The following TRPC1 variants were observed in gnomAD, a reference collection of about 807,000 sequenced individuals.
TRPC1 encodes the protein transient receptor potential cation channel subfamily C member 1.
TRPC1 carries 42 observed loss-of-function variants against 88.2 expected under a neutral mutation model. That is an observed-to-expected ratio of 0.48 (90% CI 0.37 to 0.62). The LOEUF is 0.62. TRPC1 is among the 20% of genes least tolerant of loss of function. The probability of loss-of-function intolerance (pLI) is 0.00; values close to 1 mark genes in which losing one functional copy is unlikely to be tolerated. For synonymous variants in TRPC1, 288 were observed against 331.8 expected, an observed-to-expected ratio of 0.87 and a Z score of 1.43; for missense variants, 699 against 957.3, an observed-to-expected ratio of 0.73 and a Z score of 3.56.
intron 2 of TRPC1, among the ~76,000 whole-genome samples, chr3:142,740,403 T>G (rs1934302219): frequency 6.6e-6 from 1 of 152,184 alleles, no homozygotes; most frequent in Non-Finnish European, 1.5e-5. Context: ...CAAACACAGA[T>G]GAACATTATA....
intron 2 of TRPC1, among the ~76,000 whole-genome samples, chr3:142,741,562 C>T (rs1367907239): frequency 1.3e-5 from 2 of 152,148 alleles, no homozygotes; most frequent in Non-Finnish European, 2.9e-5. Flanking sequence ...TTAATCTTTT[C>T]AGTAGTCAAC....
At chr3:142,766,551 C>T (rs1935398078) in intron 4 of TRPC1, among the ~76,000 whole-genome samples, 1 of 152,032 alleles carries the variant, frequency 6.6e-6, no homozygotes, top group South Asian at 2.1e-4. Context: ...CAGGCATGTA[C>T]CACCATGCCT....
chr3:142,789,319 C>CTCCTTCCCCAAAAAAAA (rs201362025), intron 7 of TRPC1, among the ~76,000 whole-genome samples: 4,227 of 152,160 alleles, frequency 0.028, 94 homozygotes, highest in Non-Finnish European at 0.042. Flanking sequence ...CCAAATAAAA[C>CTCCTTCCCCAAAAAAAA]AGTATTTGAG....
intron 4 of TRPC1, among the ~76,000 whole-genome samples, chr3:142,753,275 G>T (rs531214389): frequency 6.6e-6 from 1 of 152,128 alleles, no homozygotes; most frequent in Admixed American, 6.5e-5. Context: ...AAATTGAAAG[G>T]TATTTTAGGC....
At chr3:142,802,407 A>T (rs952655982) in intron 10 of TRPC1, 63 bp downstream of exon 10, 18 of 1,132,744 alleles carry the variant, frequency 1.6e-5, no homozygotes, top group Admixed American at 1.1e-4. Flanking sequence ...CATCTTCTAT[A>T]TGAATTAGTA....
At chr3:142,773,713 C>T (rs577181586) in intron 4 of TRPC1, among the ~76,000 whole-genome samples, 1 of 145,894 alleles carries the variant, frequency 6.9e-6, no homozygotes, top group Non-Finnish European at 1.5e-5. Context: ...AGTCCCCACC[C>T]ACCCTCTTTC....
In TRPC1 at chr3:142,793,410, G is replaced by A. The variant is rs78943058; in HGVS notation, c.1581+443G>A. Among the ~76,000 whole-genome samples, 696 of 151,996 alleles carry A rather than the reference G, an allele frequency of 4.6e-3. 24 individuals are homozygous for A. The East Asian group carries it at 0.09, about 20-fold the overall frequency. On this transcript the variant is annotated intron_variant, in intron 9 of 12. Coordinates refer to ENST00000476941, the MANE Select transcript of TRPC1 (RefSeq NM_001251845.2). ...GATTTAAAAGAATACTTACACTTTCGTTTAATAAATATTAAATGTAATAAG... is the reference window on the plus strand; with the variant it reads ...GATTTAAAAGAATACTTACACTTTCATTTAATAAATATTAAATGTAATAAG...
At chr3:142,747,509 G>A (rs1234060337) in intron 3 of TRPC1, among the ~76,000 whole-genome samples, 2 of 152,106 alleles carry the variant, frequency 1.3e-5, no homozygotes, top group Non-Finnish European at 2.9e-5. Context: ...TACAAACCTG[G>A]ATTCTGATCA....
intron 4 of TRPC1, among the ~76,000 whole-genome samples, chr3:142,754,992 C>A (rs1407578972): frequency 6.6e-6 from 1 of 152,112 alleles, no homozygotes. Context: ...TTCCATATTG[C>A]CAGAATCTTT....
chr3:142,742,090 G>A (rs1005348056), intron 2 of TRPC1, among the ~76,000 whole-genome samples: 6 of 151,682 alleles, frequency 4.0e-5, no homozygotes, highest in Middle Eastern at 3.4e-3. Flanking sequence ...TTGAACCTGG[G>A]AGGCGGAGGT....
At chr3:142,769,007 C>A (rs1411258344) in intron 4 of TRPC1, among the ~76,000 whole-genome samples, 8 of 152,022 alleles carry the variant, frequency 5.3e-5, no homozygotes, top group African/African-American at 1.9e-4. Context: ...TTCTGTGCCT[C>A]TTCATTTTTT....
chr3:142,806,774 A>T lies in TRPC1; in HGVS notation c.*539A>T, dbSNP rs936907496. 2 of 151,686 alleles carry T rather than the reference A, an allele frequency of 1.3e-5. No individual in the cohort carries two copies. Among genetic ancestry groups the T allele is most frequent in the African/African-American group, 4.8e-5 (2 of 41,336 alleles). The allele number at this position is 151,686 out of a possible 1,614,324, so 9.4% of individuals were successfully genotyped here. ...TATAATCTTAAGCAACAAAGAAAAA[A>T]CCCTAATATTTGAATCTATTTATGT... On this transcript the variant is annotated 3_prime_UTR_variant, in exon 13 of 13. Coordinates refer to ENST00000476941, the MANE Select transcript of TRPC1 (RefSeq NM_001251845.2).
In TRPC1 at chr3:142,784,802, T is replaced by C; in HGVS notation, c.1059T>C (p.Thr353=). 6.2e-7 allele frequency: 1 copy of C among 1,614,204 alleles called. No homozygotes were observed. The highest frequency in any genetic ancestry group is 8.5e-7 in the Non-Finnish European group (1 of 1,180,016). The change falls in exon 7 of 13, where the codon ACT becomes ACC. Residue 353 remains threonine (T), a synonymous_variant. Coordinates refer to ENST00000476941, the MANE Select transcript of TRPC1 (RefSeq NM_001251845.2). The part of the protein sequence containing the change: ...RRKPTCKKIM[T]VLTVGIFWPV... ...AGCCCACCTGTAAGAAGATAATGAC[T>C]GTTTTGACAGTAGGCATCTTTTGGC...
At chr3:142,803,033 G>A (rs923606696) in intron 10 of TRPC1, among the ~76,000 whole-genome samples, 10 of 152,170 alleles carry the variant, frequency 6.6e-5, no homozygotes, top group Non-Finnish European at 1.2e-4. Context: ...CTGAGCAAAT[G>A]AAGTATTAGT....
chr3:142,770,062 T>A (rs1188552567), intron 4 of TRPC1, among the ~76,000 whole-genome samples: 1 of 151,682 alleles, frequency 6.6e-6, no homozygotes, highest in East Asian at 1.9e-4. Context: ...CTGTTGTTAG[T>A]TGTATATATA....
intron 4 of TRPC1, 80 bp downstream of exon 4, chr3:142,748,540 T>C: frequency 6.8e-7 from 1 of 1,478,994 alleles, no homozygotes; most frequent in Non-Finnish European, 9.4e-7. Flanking sequence ...ATTCTTTCTA[T>C]GCAGCTTTTA....
chr3:142,757,979 CTT>C (rs1015129053), intron 4 of TRPC1, among the ~76,000 whole-genome samples: 4 of 151,838 alleles, frequency 2.6e-5, no homozygotes, highest in Non-Finnish European at 4.4e-5. Flanking sequence ...CAATTATACT[CTT>C]TTATAATGTA....
At chr3:142,730,735 T>G (rs190197714) in intron 1 of TRPC1, among the ~76,000 whole-genome samples, 8 of 152,258 alleles carry the variant, frequency 5.3e-5, no homozygotes, top group Admixed American at 5.2e-4. Flanking sequence ...GTCTTTTTAT[T>G]TTTTCACATC....
At chr3:142,779,206 C>T (rs1338667492) in intron 5 of TRPC1, among the ~76,000 whole-genome samples, 1 of 152,090 alleles carries the variant, frequency 6.6e-6, no homozygotes. Context: ...GTTTTATAGA[C>T]AGGGGAGGAG....
Sources: gnomAD v4.1 joint callset for allele counts (sites outside exome capture counted in the v4.1 genomes callset) on GRCh38, gnomAD v4.1.1 for gene constraint, MANE v1.5 for transcripts, NCBI Gene and HGNC (gene_info 2026-07-23, HGNC 2026-07-21) for gene names.